The following FOXO1 variants were observed in gnomAD, a reference collection of about 807,000 sequenced individuals.
FOXO1 encodes forkhead box O1.
FOXO1 carries 6 observed loss-of-function variants against 44.1 expected under a neutral mutation model. The ratio of observed to expected loss-of-function variants is 0.14; its 90% CI spans 0.07 to 0.27. The LOEUF (loss-of-function observed/expected upper bound fraction) is 0.27. FOXO1 is among the 10% of genes least tolerant of loss of function. The pLI is 1.00. For synonymous variants in FOXO1, 380 were observed against 362.7 expected (o/e 1.05, Z -0.54); for missense variants, 737 against 888.8 (o/e 0.83, Z 2.17).
At chr13:40,611,365 C>A (rs1876221566) in intron 1 of FOXO1, among the ~76,000 whole-genome samples, 1 of 152,122 alleles carries the variant, frequency 6.6e-6, no homozygotes, top group African/African-American at 2.4e-5. Context: ...CCACTGTAAC[C>A]AATACAAGGT....
At chr13:40,563,126 A>T (rs1874105313) in intron 1 of FOXO1, among the ~76,000 whole-genome samples, 1 of 152,106 alleles carries the variant, frequency 6.6e-6, no homozygotes, top group East Asian at 1.9e-4. Flanking sequence ...TCAACCACAA[A>T]AAGGCTCTGG....
chr13:40,606,863 C>A (rs1250468905), intron 1 of FOXO1, among the ~76,000 whole-genome samples: 1 of 152,230 alleles, frequency 6.6e-6, no homozygotes, highest in Non-Finnish European at 1.5e-5. Context: ...CTCATCACAT[C>A]CCTGACCCTG....
intron 1 of FOXO1, among the ~76,000 whole-genome samples, chr13:40,659,964 T>C (rs957485002): frequency 6.6e-6 from 1 of 152,224 alleles, no homozygotes; most frequent in Non-Finnish European, 1.5e-5. Flanking sequence ...GACTTGATTT[T>C]TGTTCATCCT....
At chr13:40,602,294 A>G (rs1183273228) in intron 1 of FOXO1, among the ~76,000 whole-genome samples, 1 of 152,202 alleles carries the variant, frequency 6.6e-6, no homozygotes, top group Non-Finnish European at 1.5e-5. Context: ...TAAATTAGTC[A>G]TTTGCAAGAA....
chr13:40,582,296 C>T (rs757998212), intron 1 of FOXO1, among the ~76,000 whole-genome samples: 10 of 152,206 alleles, frequency 6.6e-5, no homozygotes, highest in Non-Finnish European at 1.3e-4. Context: ...GAGCCTTCAA[C>T]GAGTTGTGAT....
chr13:40,606,680 G>A (rs1156770441), intron 1 of FOXO1, among the ~76,000 whole-genome samples: 2 of 152,096 alleles, frequency 1.3e-5, no homozygotes, highest in Non-Finnish European at 2.9e-5. Context: ...GGAGAGGCAG[G>A]GTGCCAAAAG....
chr13:40,564,855 A>C (rs1006186328), intron 1 of FOXO1, among the ~76,000 whole-genome samples: 1 of 149,232 alleles, frequency 6.7e-6, no homozygotes, highest in African/African-American at 2.4e-5. Context: ...CTCTGCACAC[A>C]CCCCATCTGC....
intron 1 of FOXO1, among the ~76,000 whole-genome samples, chr13:40,621,856 C>T (rs890998370): frequency 6.6e-6 from 1 of 152,014 alleles, no homozygotes; most frequent in Non-Finnish European, 1.5e-5. Flanking sequence ...TACAGCATAT[C>T]ATATATGTAT....
chr13:40,636,161 A>G (rs1433764800), intron 1 of FOXO1, among the ~76,000 whole-genome samples: 3 of 151,620 alleles, frequency 2.0e-5, no homozygotes, highest in Admixed American at 2.0e-4. Context: ...GTTGCAGTGA[A>G]CTCAGATCTC....
At chr13:40,626,752 A>AG (rs1876798683) in intron 1 of FOXO1, among the ~76,000 whole-genome samples, 1 of 152,174 alleles carries the variant, frequency 6.6e-6, no homozygotes, top group Admixed American at 6.5e-5. Context: ...TCCCTAAACT[A>AG]GGTCCATCAG....
At chr13:40,631,943 A>G (rs1486421769) in intron 1 of FOXO1, among the ~76,000 whole-genome samples, 2 of 152,156 alleles carry the variant, frequency 1.3e-5, no homozygotes, top group African/African-American at 4.8e-5. Context: ...TTTTACCACA[A>G]ATTTTAAAAA....
intron 1 of FOXO1, among the ~76,000 whole-genome samples, chr13:40,572,594 G>A (rs1024469371): frequency 3.3e-5 from 5 of 152,202 alleles, no homozygotes; most frequent in Admixed American, 6.5e-5. Context: ...ACTCGAGACT[G>A]CCGAATATAT....
chr13:40,627,363 G>C (rs1876819123), intron 1 of FOXO1, among the ~76,000 whole-genome samples: 1 of 152,214 alleles, frequency 6.6e-6, no homozygotes, highest in South Asian at 2.1e-4. Flanking sequence ...TGGCATGAAA[G>C]ACTGAGAAAT....
At chr13:40,627,645 C>T (rs551941802) in intron 1 of FOXO1, among the ~76,000 whole-genome samples, 10 of 152,194 alleles carry the variant, frequency 6.6e-5, no homozygotes, top group Non-Finnish European at 1.3e-4. Flanking sequence ...CCAGCCTGGC[C>T]AGCATGGTGA....
At chr13:40,659,523 G>A (rs1352527771) in intron 1 of FOXO1, among the ~76,000 whole-genome samples, 1 of 151,026 alleles carries the variant, frequency 6.6e-6, no homozygotes, top group Non-Finnish European at 1.5e-5. Flanking sequence ...TTGAACTTAT[G>A]TCCTTATTAA....
At chr13:40,653,399 A>G (rs1412637040) in intron 1 of FOXO1, among the ~76,000 whole-genome samples, 1 of 152,164 alleles carries the variant, frequency 6.6e-6, no homozygotes, top group East Asian at 1.9e-4. Context: ...TCGCTCAGCC[A>G]CTTGCATGGC....
At chr13:40,562,583 T>C (rs1232152702) in intron 1 of FOXO1, 1 of 152,226 alleles carries the variant, frequency 6.6e-6, no homozygotes, top group East Asian at 1.9e-4. Context: ...GAAGGGAATA[T>C]TAGACCCCAA....
At chr13:40,578,557 T>C (rs1271163451) in intron 1 of FOXO1, among the ~76,000 whole-genome samples, 1 of 152,166 alleles carries the variant, frequency 6.6e-6, no homozygotes, top group East Asian at 1.9e-4. Context: ...TCCCTGAAGA[T>C]CAGATTTTCC....
At chr13:40,608,501 G>T (rs1876105958) in intron 1 of FOXO1, among the ~76,000 whole-genome samples, 1 of 152,112 alleles carries the variant, frequency 6.6e-6, no homozygotes, top group East Asian at 1.9e-4. Flanking sequence ...AGACTTTTGG[G>T]GTTATTTGTT....
Sources: gnomAD v4.1 joint callset for allele counts (sites outside exome capture counted in the v4.1 genomes callset) on GRCh38, gnomAD v4.1.1 for gene constraint, MANE v1.5 for transcripts, NCBI Gene and HGNC (gene_info 2026-07-23, HGNC 2026-07-21) for gene names.